Variants in ASTN2 observed in about 807,000 individuals in gnomAD.
ASTN2 encodes astrotactin 2.
Under a neutral mutation model 139.8 loss-of-function variants are expected in ASTN2, and 54 were observed. The ratio of observed to expected loss-of-function variants is 0.39; its 90% confidence interval spans 0.31 to 0.48. The LOEUF (loss-of-function observed/expected upper bound fraction) is 0.48. ASTN2 is among the 20% of genes least tolerant of loss of function. ASTN2 has a pLI of 0.95. For synonymous variants in ASTN2, 756 were observed against 719.5 expected (o/e 1.05, Z -0.81); for missense variants, 1,565 against 1,725.1 (o/e 0.91, Z 1.64).
chr9:117,390,423 A>T (rs1222488896), intron 1 of ASTN2, among the ~76,000 whole-genome samples: 1 of 152,212 alleles, frequency 6.6e-6, no homozygotes, highest in Admixed American at 6.5e-5. Flanking sequence ...ACAAATATCC[A>T]GTAACAGATG....
At chr9:116,725,636 G>A in intron 16 of ASTN2, 135 bp downstream of exon 16, 1 of 827,864 alleles carries the variant, frequency 1.2e-6, no homozygotes, top group Admixed American at 2.4e-5. Context: ...GAGAGAGGCA[G>A]GGACTTGCCC....
chr9:116,635,188 T>C (rs1451917350), intron 17 of ASTN2, among the ~76,000 whole-genome samples: 1 of 152,218 alleles, frequency 6.6e-6, no homozygotes, highest in African/African-American at 2.4e-5. Flanking sequence ...TTTCTTTACA[T>C]CCATCATCTT....
chr9:117,305,592 T>C (rs1364921751), intron 1 of ASTN2, among the ~76,000 whole-genome samples: 2 of 152,192 alleles, frequency 1.3e-5, no homozygotes, highest in African/African-American at 2.4e-5. Context: ...CTGGTGAAAG[T>C]AGCGTCATAA....
chr9:117,232,426 G>A (rs1378561930), intron 2 of ASTN2, among the ~76,000 whole-genome samples: 1 of 152,084 alleles, frequency 6.6e-6, no homozygotes, highest in Non-Finnish European at 1.5e-5. Flanking sequence ...TTTGCCGTAG[G>A]AACCAGCTGC....
At chr9:117,134,265 A>ATT (rs1377325976) in intron 4 of ASTN2, among the ~76,000 whole-genome samples, 15 of 73,426 alleles carry the variant, frequency 2.0e-4, no homozygotes, top group Non-Finnish European at 1.2e-4. Context: ...ACTAATGAAA[A>ATT]TTATATATAT....
chr9:116,526,815 C>T (rs1851114728), intron 19 of ASTN2, among the ~76,000 whole-genome samples: 1 of 152,062 alleles, frequency 6.6e-6, no homozygotes, highest in African/African-American at 2.4e-5. Context: ...CCAATTCTGG[C>T]CCAAAGCAAG....
At chr9:116,449,773 T>C (rs1055794502) in intron 20 of ASTN2, among the ~76,000 whole-genome samples, 2 of 152,048 alleles carry the variant, frequency 1.3e-5, no homozygotes, top group African/African-American at 2.4e-5. Context: ...TATAAGAAAT[T>C]TGAGTGCCCT....
At chr9:116,865,545 G>C (rs1588366177) in intron 10 of ASTN2, among the ~76,000 whole-genome samples, 1 of 151,900 alleles carries the variant, frequency 6.6e-6, no homozygotes, top group East Asian at 1.9e-4. Context: ...GGGAGCTCTG[G>C]AGCTGAGAAG....
chr9:117,396,384 C>T (rs1307505284), intron 1 of ASTN2, among the ~76,000 whole-genome samples: 1 of 152,212 alleles, frequency 6.6e-6, no homozygotes, highest in Non-Finnish European at 1.5e-5. Context: ...GCTGCCTCTC[C>T]AGCACTCAGG....
At chr9:116,522,638 C>G (rs1850926402) in intron 19 of ASTN2, among the ~76,000 whole-genome samples, 1 of 152,018 alleles carries the variant, frequency 6.6e-6, no homozygotes, top group South Asian at 2.1e-4. Context: ...AATCAAATAC[C>G]ACCTGTTTCC....
At chr9:116,972,055 T>C (rs1326528945) in intron 10 of ASTN2, among the ~76,000 whole-genome samples, 1 of 152,170 alleles carries the variant, frequency 6.6e-6, no homozygotes, top group East Asian at 1.9e-4. Flanking sequence ...GTTAAAACAC[T>C]CATGTAACCA....
intron 20 of ASTN2, among the ~76,000 whole-genome samples, chr9:116,476,963 C>T (rs1226035133): frequency 2.6e-5 from 4 of 151,998 alleles, no homozygotes; most frequent in East Asian, 1.9e-4. Context: ...AGCTCCCCTC[C>T]GCCTGCAGGA....
chr9:116,475,648 C>T (rs1436139418), intron 20 of ASTN2, among the ~76,000 whole-genome samples: 1 of 152,188 alleles, frequency 6.6e-6, no homozygotes, highest in Non-Finnish European at 1.5e-5. Flanking sequence ...CAAGGTCACT[C>T]AAGCGTTCTT....
chr9:116,545,512 C>T (rs761317249), intron 19 of ASTN2, among the ~76,000 whole-genome samples: 1 of 152,196 alleles, frequency 6.6e-6, no homozygotes, highest in Non-Finnish European at 1.5e-5. Context: ...GGCTTACACA[C>T]CCTACTCCAT....
intron 10 of ASTN2, among the ~76,000 whole-genome samples, chr9:116,923,834 C>T (rs1043617873): frequency 2.0e-5 from 3 of 152,168 alleles, no homozygotes; most frequent in Admixed American, 1.3e-4. Context: ...GCACACCTTG[C>T]TCCAGTGCCA....
At chr9:116,803,405 G>A (rs1239608125) in intron 13 of ASTN2, among the ~76,000 whole-genome samples, 1 of 143,508 alleles carries the variant, frequency 7.0e-6, no homozygotes, top group East Asian at 2.0e-4. Flanking sequence ...AACCTTGAAT[G>A]GCCAGGCTCA....
At chr9:116,714,578 TTAAAGA>T (rs1239698773) in intron 16 of ASTN2, among the ~76,000 whole-genome samples, 3 of 152,192 alleles carry the variant, frequency 2.0e-5, no homozygotes, top group Admixed American at 2.0e-4. Context: ...TATACCCATG[TTAAAGA>T]TAAGAGAATT....
At chr9:116,902,942 A>T (rs932485303) in intron 10 of ASTN2, among the ~76,000 whole-genome samples, 2 of 152,144 alleles carry the variant, frequency 1.3e-5, no homozygotes, top group Non-Finnish European at 2.9e-5. Flanking sequence ...GTAGGATCTG[A>T]CCATCCATTA....
intron 6 of ASTN2, among the ~76,000 whole-genome samples, chr9:117,030,416 A>T (rs1298587415): frequency 7.2e-5 from 11 of 152,198 alleles, no homozygotes. Context: ...TTTTGGACTC[A>T]ATCTGCTATC....
Sources: allele counts gnomAD v4.1 joint callset (sites outside exome capture counted in the v4.1 genomes callset), GRCh38; gene constraint gnomAD v4.1.1; transcripts MANE v1.5; gene names NCBI Gene and HGNC (gene_info 2026-07-23, HGNC 2026-07-21).